The following NYAP2 variants were observed in gnomAD, a reference collection of about 807,000 sequenced individuals.
NYAP2 encodes neuronal tyrosine-phosphorylated phosphoinositide-3-kinase adaptor 2, also known as neuronal tyrosine-phosphorylated phosphoinositide-3-kinase adapter 2.
Under a neutral mutation model 50.4 loss-of-function variants are expected in NYAP2, and 23 were observed. The observed-to-expected ratio is 0.46, with a 90% CI of 0.33 to 0.65. The LOEUF is 0.65. Ranked by LOEUF, NYAP2 falls within the 30% of genes least tolerant of loss-of-function variation. NYAP2 has a pLI of 0.02. For synonymous variants in NYAP2, 394 were observed against 365.2 expected, an observed-to-expected ratio of 1.08 and a Z score of -0.90; for missense variants, 885 against 861.0, an observed-to-expected ratio of 1.03 and a Z score of -0.35.
chr2:225,657,985 C>G (rs1198779783), downstream of NYAP2, among the ~76,000 whole-genome samples: 2 of 152,032 alleles, frequency 1.3e-5, no homozygotes, highest in African/African-American at 4.8e-5. Context: ...TTCTTTTTTT[C>G]TTTTTTGAGA....
At chr2:225,622,502 TTTTCTTTCTTTCTTTCTTCTTTCTTTC>T (rs1380801948) in intron 5 of NYAP2, among the ~76,000 whole-genome samples, 1 of 23,992 alleles carries the variant, frequency 4.2e-5, no homozygotes, top group African/African-American at 8.1e-5. Context: ...ATTTTATTTC[TTTTCTTTCTTTCTTTCTTCTTTCTTTC>T]TTTCTTTCTT....
At chr2:225,576,392 T>C (rs909764452) in intron 4 of NYAP2, among the ~76,000 whole-genome samples, 1 of 152,200 alleles carries the variant, frequency 6.6e-6, no homozygotes, top group Non-Finnish European at 1.5e-5. Flanking sequence ...CATTTGCAAC[T>C]TCCATTCCTT....
chr2:225,696,393 G>T, the NYAP2 span, among the ~76,000 whole-genome samples: 1 of 151,916 alleles, frequency 6.6e-6, no homozygotes, highest in Admixed American at 6.6e-5. Flanking sequence ...AATAAGACTT[G>T]GGCAATGGTT....
chr2:225,529,162 G>A (rs757519198), intron 4 of NYAP2, among the ~76,000 whole-genome samples: 26 of 152,050 alleles, frequency 1.7e-4, no homozygotes, highest in Non-Finnish European at 3.5e-4. Context: ...TTTATTAAAC[G>A]ACTTCCACCT....
At chr2:225,423,930 A>T (rs1247154376) in intron 3 of NYAP2, among the ~76,000 whole-genome samples, 1 of 152,180 alleles carries the variant, frequency 6.6e-6, no homozygotes, top group Non-Finnish European at 1.5e-5. Context: ...ATTATCAGTG[A>T]TGGAAATATA....
chr2:225,489,258 A>G (rs1471930410), intron 3 of NYAP2, among the ~76,000 whole-genome samples: 2 of 151,378 alleles, frequency 1.3e-5, no homozygotes, highest in African/African-American at 2.4e-5. Flanking sequence ...TGATGATGCC[A>G]TCTTGGCTCA....
intron 4 of NYAP2, among the ~76,000 whole-genome samples, chr2:225,531,594 G>A (rs1691254471): frequency 6.6e-6 from 1 of 152,312 alleles, no homozygotes; most frequent in Admixed American, 6.5e-5. Flanking sequence ...TTTGAATAAT[G>A]TATGTTTTCA....
intron 4 of NYAP2, among the ~76,000 whole-genome samples, chr2:225,561,937 G>A (rs993287959): frequency 6.6e-6 from 1 of 151,818 alleles, no homozygotes; most frequent in African/African-American, 2.4e-5. Flanking sequence ...GAAATCAAGA[G>A]GAAAAAGAAA....
At chr2:225,493,852 C>T (rs551686491) in intron 3 of NYAP2, among the ~76,000 whole-genome samples, 17 of 152,336 alleles carry the variant, frequency 1.1e-4, no homozygotes, top group African/African-American at 3.8e-4. Flanking sequence ...TGTGAAGTCA[C>T]GTCAGAGTTG....
exon 2 of NYAP2, chr2:225,400,604 C>T (rs939160230): frequency 6.6e-6 from 1 of 152,072 alleles, no homozygotes; most frequent in African/African-American, 2.4e-5. Flanking sequence ...GTGATTGCTT[C>T]TGGTCCTGTA....
intron 3 of NYAP2, among the ~76,000 whole-genome samples, chr2:225,419,664 A>C (rs1315292924): frequency 6.6e-6 from 1 of 152,230 alleles, no homozygotes; most frequent in Non-Finnish European, 1.5e-5. Flanking sequence ...GGGGTAGTCA[A>C]CATATTATAG....
At chr2:225,496,417 C>T (rs138996796) in intron 3 of NYAP2, among the ~76,000 whole-genome samples, 2 of 152,270 alleles carry the variant, frequency 1.3e-5, no homozygotes, top group East Asian at 1.9e-4. Flanking sequence ...CTACAACTTA[C>T]ATTTTTTATC....
At chr2:225,548,973 C>T (rs1256047736) in intron 4 of NYAP2, among the ~76,000 whole-genome samples, 1 of 151,874 alleles carries the variant, frequency 6.6e-6, no homozygotes, top group African/African-American at 2.4e-5. Flanking sequence ...CCTCTACCTC[C>T]TGGGTCAAGC....
At chr2:225,455,011 G>A (rs1393510820) in intron 3 of NYAP2, among the ~76,000 whole-genome samples, 1 of 152,098 alleles carries the variant, frequency 6.6e-6, no homozygotes, top group Non-Finnish European at 1.5e-5. Flanking sequence ...GATAGTACCT[G>A]AGCAAACTTC....
intron 6 of NYAP2, among the ~76,000 whole-genome samples, chr2:225,627,708 C>T (rs1693233463): frequency 6.6e-6 from 1 of 152,124 alleles, no homozygotes; most frequent in Admixed American, 6.5e-5. Context: ...TTAAATGTCA[C>T]AAGTTAAAAT....
intron 3 of NYAP2, among the ~76,000 whole-genome samples, chr2:225,474,293 G>A (rs1690064296): frequency 6.6e-6 from 1 of 152,122 alleles, no homozygotes; most frequent in South Asian, 2.1e-4. Flanking sequence ...GGCGATGAGG[G>A]CTCTTTTTTG....
downstream of NYAP2, among the ~76,000 whole-genome samples, chr2:225,656,385 C>T (rs1050611277): frequency 6.6e-6 from 1 of 152,204 alleles, no homozygotes; most frequent in African/African-American, 2.4e-5. Flanking sequence ...TTCAACTTGT[C>T]TCTTCGGGAT....
At chr2:225,418,390 T>A (rs552304072) in intron 3 of NYAP2, among the ~76,000 whole-genome samples, 2 of 151,968 alleles carry the variant, frequency 1.3e-5, no homozygotes, top group African/African-American at 4.8e-5. Flanking sequence ...GAGGTCTCAG[T>A]AAGGGCAGGG....
intron 2 of NYAP2, among the ~76,000 whole-genome samples, chr2:225,402,838 T>G (rs1388061877): frequency 6.6e-6 from 1 of 152,014 alleles, no homozygotes; most frequent in Non-Finnish European, 1.5e-5. Context: ...AGTGAAATTA[T>G]AGGAGTAATG....
Sources: allele counts gnomAD v4.1 joint callset (sites outside exome capture counted in the v4.1 genomes callset), GRCh38; gene constraint gnomAD v4.1.1; transcripts MANE v1.5; gene names NCBI Gene and HGNC (gene_info 2026-07-23, HGNC 2026-07-21).